KCNIP4: variants seen among roughly 807,000 people sequenced by gnomAD.
KCNIP4 encodes Kv channel-interacting protein 4.
A neutral mutation model predicts 34.0 loss-of-function variants in KCNIP4; 12 were observed. The observed-to-expected ratio is 0.35, with a 90% CI of 0.23 to 0.57. The LOEUF is 0.57. Among genes scored for constraint, KCNIP4 ranks in the 20% least tolerant of loss-of-function variants. The pLI is 0.83. For synonymous variants in KCNIP4, 124 were observed against 102.2 expected (o/e 1.21, Z -1.29); for missense variants, 238 against 311.7 (o/e 0.76, Z 1.78).
chr4:21,078,565 G>A (rs1399934245), intron 1 of KCNIP4, among the ~76,000 whole-genome samples: 1 of 151,798 alleles, frequency 6.6e-6, no homozygotes, highest in Non-Finnish European at 1.5e-5. Context: ...TCTCCCAAAG[G>A]CCCACCTCCA....
At chr4:21,154,489 C>T (rs936501650) in intron 1 of KCNIP4, among the ~76,000 whole-genome samples, 1 of 152,170 alleles carries the variant, frequency 6.6e-6, no homozygotes, top group Admixed American at 6.5e-5. Flanking sequence ...CCTGTGTCAT[C>T]CTCTATTGCT....
chr4:21,148,699 A>T (rs74373416), intron 1 of KCNIP4, among the ~76,000 whole-genome samples: 1 of 151,814 alleles, frequency 6.6e-6, no homozygotes, highest in Admixed American at 6.6e-5. Flanking sequence ...AAAAAAAAAA[A>T]GCTGAAGTAA....
intron 1 of KCNIP4, among the ~76,000 whole-genome samples, chr4:20,996,676 T>A (rs940126151): frequency 6.6e-6 from 1 of 152,178 alleles, no homozygotes; most frequent in Non-Finnish European, 1.5e-5. Context: ...GGATTCTGTG[T>A]TTTTGTCACC....
intron 1 of KCNIP4, among the ~76,000 whole-genome samples, chr4:21,014,763 C>T (rs764241540): frequency 7.9e-5 from 12 of 152,150 alleles, no homozygotes; most frequent in Non-Finnish European, 1.0e-4. Flanking sequence ...TCTACCTTTA[C>T]GTGTGTGCCC....
At chr4:21,261,554 T>C (rs1761470180) in intron 1 of KCNIP4, among the ~76,000 whole-genome samples, 5 of 152,196 alleles carry the variant, frequency 3.3e-5, no homozygotes. Flanking sequence ...AGATTATTTA[T>C]TAACCTTAGC....
At chr4:21,427,857 G>T (rs185566142) in intron 1 of KCNIP4, among the ~76,000 whole-genome samples, 1 of 152,212 alleles carries the variant, frequency 6.6e-6, no homozygotes, top group Non-Finnish European at 1.5e-5. Flanking sequence ...TAGCCAACAT[G>T]AATTCTCTTT....
In KCNIP4 at chr4:21,591,353, A is replaced by C. The variant is rs183398406; in HGVS notation, c.61+357218T>G. 7.2e-5 allele frequency among the ~76,000 whole-genome samples: 11 copies of C among 152,136 alleles called. No homozygotes were observed. In the East Asian group the frequency reaches 2.1e-3, roughly 29 times the overall value. On this transcript the variant is annotated intron_variant, in intron 1 of 8. Transcript: ENST00000382152. ...ATATTTTGAAATAGACCAAAAGAAAACACAAAAACAAAACAAAACAAAACA... is the reference window on the plus strand; with the variant it reads ...ATATTTTGAAATAGACCAAAAGAAACCACAAAAACAAAACAAAACAAAACA...
chr4:21,537,711 C>G (rs1230105264), intron 1 of KCNIP4, among the ~76,000 whole-genome samples: 1 of 151,966 alleles, frequency 6.6e-6, no homozygotes, highest in African/African-American at 2.4e-5. Context: ...TCCTTATCAT[C>G]CTTACAAGAA....
At chr4:21,578,147 A>G (rs924919593) in intron 1 of KCNIP4, among the ~76,000 whole-genome samples, 1 of 151,988 alleles carries the variant, frequency 6.6e-6, no homozygotes, top group Non-Finnish European at 1.5e-5. Flanking sequence ...CAGCCTTGCC[A>G]ACATGGTGAA....
chr4:20,891,529 C>T (rs1202370423), intron 1 of KCNIP4, among the ~76,000 whole-genome samples: 4 of 152,088 alleles, frequency 2.6e-5, no homozygotes, highest in Admixed American at 1.3e-4. Flanking sequence ...CACTTGAACC[C>T]GGGAGGCAGA....
chr4:20,947,996 C>T (rs1418567108), intron 1 of KCNIP4, among the ~76,000 whole-genome samples: 2 of 152,186 alleles, frequency 1.3e-5, no homozygotes, highest in African/African-American at 4.8e-5. Flanking sequence ...AGATGGTAAA[C>T]TCTTGCCTTT....
chr4:20,805,664 G>C (rs1176232225), intron 3 of KCNIP4, among the ~76,000 whole-genome samples: 1 of 152,064 alleles, frequency 6.6e-6, no homozygotes, highest in African/African-American at 2.4e-5. Context: ...TGCCATTTCT[G>C]CTAACTCTTG....
At chr4:20,949,483 T>G (rs1577417600) in intron 1 of KCNIP4, among the ~76,000 whole-genome samples, 1 of 152,104 alleles carries the variant, frequency 6.6e-6, no homozygotes, top group Non-Finnish European at 1.5e-5. Context: ...AGAAATACCA[T>G]TTGACCCAGC....
chr4:20,885,843 CT>C (rs1259227278), intron 1 of KCNIP4, among the ~76,000 whole-genome samples: 1 of 152,150 alleles, frequency 6.6e-6, no homozygotes. Flanking sequence ...GTCTCAGGGC[CT>C]TTTCACATGC....
intron 1 of KCNIP4, among the ~76,000 whole-genome samples, chr4:21,536,134 G>T (rs73801666): frequency 0.07 from 10,582 of 152,148 alleles, 598 homozygotes; most frequent in Admixed American, 0.17. Context: ...GCTTCATTGC[G>T]TCAGGAATGC....
intron 1 of KCNIP4, among the ~76,000 whole-genome samples, chr4:21,055,132 G>T (rs1743290602): frequency 6.6e-6 from 1 of 152,052 alleles, no homozygotes; most frequent in Non-Finnish European, 1.5e-5. Flanking sequence ...CCTCCCAAAA[G>T]AAGATATACA....
At position 21,873,922 on chromosome 4, in the gene KCNIP4, T is replaced by C. The variant is rs532790739; in HGVS notation, c.61+74649A>G. ...AGGTGAACAAGGCTGAGACCTATTG[T>C]CAGGCTAGCTGAAATTCTACCTCCC... On this transcript the variant is annotated intron_variant, in intron 1 of 8. Transcript: ENST00000382152. Among the ~76,000 whole-genome samples the C allele has an allele frequency of 7.5e-4, 114 of 152,340 alleles. 3 individuals are homozygous for C. The South Asian group carries it at 0.022, about 30-fold the overall frequency.
intron 1 of KCNIP4, among the ~76,000 whole-genome samples, chr4:21,594,792 C>A (rs775735627): frequency 9.0e-5 from 12 of 133,390 alleles, no homozygotes; most frequent in Non-Finnish European, 1.8e-4. Context: ...ATTTCTTAAT[C>A]CATGTGTTAA....
At chr4:21,058,348 G>A (rs1183214510) in intron 1 of KCNIP4, among the ~76,000 whole-genome samples, 1 of 152,118 alleles carries the variant, frequency 6.6e-6, no homozygotes, top group Non-Finnish European at 1.5e-5. Flanking sequence ...CATTTATTCT[G>A]CAAGTGATGG....
Sources: allele counts gnomAD v4.1 joint callset (sites outside exome capture counted in the v4.1 genomes callset), GRCh38; gene constraint gnomAD v4.1.1; transcripts MANE v1.5; gene names NCBI Gene and HGNC (gene_info 2026-07-23, HGNC 2026-07-21).